Variants in RORA observed in about 807,000 individuals in gnomAD.
RORA encodes RAR related orphan receptor A, also known as nuclear receptor ROR-alpha.
In RORA, 7 loss-of-function variants were observed where a neutral mutation model predicts 69.5. The ratio of observed to expected loss-of-function variants is 0.10; its 90% confidence interval spans 0.06 to 0.19. RORA has a LOEUF of 0.19. Ranked by LOEUF, RORA falls within the 10% of genes least tolerant of loss-of-function variation. The pLI is 1.00. For synonymous variants in RORA, 261 were observed against 240.8 expected (o/e 1.08, Z -0.78); for missense variants, 457 against 663.0 (o/e 0.69, Z 3.41).
At chr15:61,215,348 T>C (rs1486377107) in intron 1 of RORA, among the ~76,000 whole-genome samples, 1 of 152,204 alleles carries the variant, frequency 6.6e-6, no homozygotes, top group Non-Finnish European at 1.5e-5. Flanking sequence ...TGTCCTTCCT[T>C]AGGAGATAAA....
In RORA at chr15:60,646,040, C is replaced by G. The variant is rs143781926; in HGVS notation, c.196+32617G>C. Reference sequence around the variant, plus strand: ...CTGAAAGCTAGGAATTCTCAGACACCCTGGCAAAGTCTTGACCTTCATTTG... The same window carrying G: ...CTGAAAGCTAGGAATTCTCAGACACGCTGGCAAAGTCTTGACCTTCATTTG... On this transcript the variant is annotated intron_variant, in intron 2 of 10. Coordinates refer to ENST00000335670, the MANE Select transcript of RORA (RefSeq NM_134261.3). 2.9e-4 allele frequency among the ~76,000 whole-genome samples: 44 copies of G among 152,220 alleles called. No individual in the cohort carries two copies. The East Asian group carries it at 6.4e-3, about 22-fold the overall frequency.
chr15:60,852,297 C>T (rs143921292), intron 1 of RORA, among the ~76,000 whole-genome samples: 628 of 152,326 alleles, frequency 4.1e-3, no homozygotes, highest in Non-Finnish European at 5.9e-3. Flanking sequence ...CTTTGAGCCT[C>T]TTCCCACCTT....
intron 1 of RORA, among the ~76,000 whole-genome samples, chr15:60,704,645 AT>A (rs1456078722): frequency 6.6e-6 from 1 of 152,250 alleles, no homozygotes; most frequent in Non-Finnish European, 1.5e-5. Context: ...ATGACCAGGA[AT>A]GCCATAGAAA....
intron 1 of RORA, among the ~76,000 whole-genome samples, chr15:60,932,952 C>A (rs558584140): frequency 1.3e-5 from 2 of 152,184 alleles, no homozygotes; most frequent in Non-Finnish European, 2.9e-5. Context: ...TGGCTTCCTA[C>A]GTCAGACAAC....
chr15:60,755,700 T>C (rs993053673), intron 1 of RORA, among the ~76,000 whole-genome samples: 1 of 152,190 alleles, frequency 6.6e-6, no homozygotes, highest in Non-Finnish European at 1.5e-5. Flanking sequence ...ACCCAACACA[T>C]AGAAGCTGTT....
At chr15:61,095,062 G>A (rs1213132030) in intron 1 of RORA, among the ~76,000 whole-genome samples, 1 of 152,210 alleles carries the variant, frequency 6.6e-6, no homozygotes, top group African/African-American at 2.4e-5. Context: ...AAAGGTTACT[G>A]GATGAATCAG....
chr15:60,492,865 C>T lies in RORA; in HGVS notation c.*4590G>A, dbSNP rs760300628. The T allele has an allele frequency of 6.6e-5, 10 of 152,068 alleles. No individual in the cohort carries two copies. The highest frequency in any genetic ancestry group is 1.0e-4 in the Non-Finnish European group (7 of 67,994). The allele number at this position is 152,068 out of a possible 1,614,324, so 9.4% of individuals were successfully genotyped here. A position where few individuals can be genotyped will look rare whatever the true frequency, so the allele number is the denominator to read the frequency against. On this transcript the variant is annotated 3_prime_UTR_variant, in exon 11 of 11. Transcript: ENST00000335670. ...GACGAGAGTAAAGAGTTTACACACA[C>T]GCAGTTCTATATAGTTCACTTGTGC...
chr15:60,654,477 C>T (rs924214497), intron 2 of RORA, among the ~76,000 whole-genome samples: 11 of 152,154 alleles, frequency 7.2e-5, no homozygotes, highest in Non-Finnish European at 1.5e-5. Flanking sequence ...CAAGTAGACC[C>T]GAGGCTCTCT....
At chr15:61,212,590 C>T (rs1400045246) in intron 1 of RORA, among the ~76,000 whole-genome samples, 1 of 152,090 alleles carries the variant, frequency 6.6e-6, no homozygotes, top group Non-Finnish European at 1.5e-5. Context: ...AAGGGTTTCA[C>T]CATATTGGCC....
chr15:61,202,070 C>T (rs544714058), intron 1 of RORA, among the ~76,000 whole-genome samples: 135 of 148,450 alleles, frequency 9.1e-4, no homozygotes, highest in African/African-American at 3.2e-3. Context: ...TGCAGTGGTG[C>T]GATCTCAGCT....
At chr15:60,497,753 AGAG>A in intron 10 of RORA, 134 bp from the exon 11 acceptor site, 1 of 726,218 alleles carries the variant, frequency 1.4e-6, no homozygotes, top group Non-Finnish European at 2.3e-6. Context: ...ATCCAGTAGC[AGAG>A]GATTGGTAAA....
chr15:60,516,091 TTA>T (rs1373552936), intron 3 of RORA, among the ~76,000 whole-genome samples: 1 of 72,736 alleles, frequency 1.4e-5, no homozygotes, highest in Non-Finnish European at 2.5e-5. Flanking sequence ...TTATATATAT[TTA>T]TATATATTTA....
chr15:60,947,296 T>G (rs532347695), intron 1 of RORA, among the ~76,000 whole-genome samples: 3 of 152,160 alleles, frequency 2.0e-5, no homozygotes, highest in Non-Finnish European at 2.9e-5. Flanking sequence ...ATTGTTGCTG[T>G]GTCTGTGTGG....
At chr15:61,034,566 C>T (rs536815806) in intron 1 of RORA, among the ~76,000 whole-genome samples, 68 of 151,966 alleles carry the variant, frequency 4.5e-4, no homozygotes, top group Middle Eastern at 6.8e-3. Context: ...TGAAGAAAAC[C>T]CTGGGGAACT....
At chr15:60,755,081 C>T (rs539275676) in intron 1 of RORA, among the ~76,000 whole-genome samples, 5 of 150,470 alleles carry the variant, frequency 3.3e-5, no homozygotes, top group African/African-American at 1.2e-4. Flanking sequence ...TGTGCTGCAC[C>T]CATTAACTCG....
intron 1 of RORA, among the ~76,000 whole-genome samples, chr15:61,173,133 G>A (rs1008137876): frequency 5.9e-5 from 9 of 151,792 alleles, no homozygotes; most frequent in Non-Finnish European, 8.8e-5. Context: ...GGCACTGTAC[G>A]AGGATCCTCT....
At chr15:60,766,619 A>G (rs2140877445) in intron 1 of RORA, among the ~76,000 whole-genome samples, 1 of 151,002 alleles carries the variant, frequency 6.6e-6, no homozygotes, top group Middle Eastern at 3.5e-3. Context: ...GCACTCGCCT[A>G]TTGTAACTTG....
chr15:60,703,310 G>A (rs1258835028), intron 1 of RORA, among the ~76,000 whole-genome samples: 1 of 152,172 alleles, frequency 6.6e-6, no homozygotes, highest in Non-Finnish European at 1.5e-5. Context: ...GCAATGTTAG[G>A]TTTTCACCTT....
At chr15:60,932,422 G>A (rs536243805) in intron 1 of RORA, among the ~76,000 whole-genome samples, 12 of 152,288 alleles carry the variant, frequency 7.9e-5, no homozygotes, top group African/African-American at 2.9e-4. Context: ...CTCATTCATA[G>A]GTAAGGAAAC....
Sources: gnomAD v4.1 joint callset for allele counts (sites outside exome capture counted in the v4.1 genomes callset) on GRCh38, gnomAD v4.1.1 for gene constraint, MANE v1.5 for transcripts, NCBI Gene and HGNC (gene_info 2026-07-23, HGNC 2026-07-21) for gene names.